Variants in IL34 observed in about 807,000 individuals in gnomAD.
The protein encoded by IL34 is interleukin 34, also known as interleukin-34.
IL34 carries 17 observed loss-of-function variants against 25.3 expected under a neutral mutation model. The observed-to-expected ratio is 0.67, with a 90% CI of 0.46 to 1.01. IL34 has a LOEUF of 1.01. Among genes scored for constraint, IL34 ranks in the 50% least tolerant of loss-of-function variants. The pLI, the probability that IL34 is intolerant of heterozygous loss-of-function variation, is 0.00. For synonymous variants in IL34, 174 were observed against 140.9 expected (o/e 1.23, Z -1.66); for missense variants, 368 against 312.9 (o/e 1.18, Z -1.33).
intron 1 of IL34, among the ~76,000 whole-genome samples, chr16:70,631,043 A>T (rs1198158299): frequency 6.6e-6 from 1 of 152,234 alleles, no homozygotes; most frequent in Non-Finnish European, 1.5e-5. Context: ...TGGTAGCCTA[A>T]ACTACATTTT....
intron 1 of IL34, among the ~76,000 whole-genome samples, chr16:70,596,422 C>G (rs989217973): frequency 6.6e-6 from 1 of 152,208 alleles, no homozygotes; most frequent in African/African-American, 2.4e-5. Context: ...TCATGACAGG[C>G]TGTGATATGG....
chr16:70,622,649 G>C (rs1421000225), intron 1 of IL34, among the ~76,000 whole-genome samples: 2 of 152,134 alleles, frequency 1.3e-5, no homozygotes, highest in African/African-American at 4.8e-5. Flanking sequence ...ATGGGGGTCA[G>C]GTGTGGTATC....
chr16:70,624,512 T>A (rs534223946), intron 1 of IL34, among the ~76,000 whole-genome samples: 39 of 152,320 alleles, frequency 2.6e-4, no homozygotes, highest in African/African-American at 8.9e-4. Context: ...AAGATGGCCT[T>A]TTGACCTTTT....
chr16:70,581,191 C>T (rs1017160487), intron 1 of IL34, among the ~76,000 whole-genome samples: 24 of 152,246 alleles, frequency 1.6e-4, no homozygotes, highest in African/African-American at 3.9e-4. Context: ...GGATTACAGG[C>T]GTGAGCCACC....
At chr16:70,608,903 G>T (rs1207186624) in intron 1 of IL34, among the ~76,000 whole-genome samples, 2 of 152,006 alleles carry the variant, frequency 1.3e-5, no homozygotes, top group Non-Finnish European at 2.9e-5. Context: ...TGTGGGGGCG[G>T]GTGTTGCCAC....
chr16:70,618,317 G>A (rs572793569), intron 1 of IL34, among the ~76,000 whole-genome samples: 67 of 152,148 alleles, frequency 4.4e-4, no homozygotes, highest in African/African-American at 1.5e-3. Context: ...GAGAGATACA[G>A]TCATGGGGGT....
intron 1 of IL34, among the ~76,000 whole-genome samples, chr16:70,617,805 G>C (rs1293620911): frequency 6.7e-6 from 1 of 148,862 alleles, no homozygotes; most frequent in Non-Finnish European, 1.5e-5. Flanking sequence ...ATAAAGGCTC[G>C]TCTGTTATCA....
At chr16:70,599,782 C>A (rs534402031) in intron 1 of IL34, among the ~76,000 whole-genome samples, 17 of 151,772 alleles carry the variant, frequency 1.1e-4, no homozygotes, top group Non-Finnish European at 2.2e-4. Flanking sequence ...CCAAGCAATC[C>A]TCCTACTTTA....
intron 1 of IL34, among the ~76,000 whole-genome samples, chr16:70,612,998 C>T (rs929742325): frequency 1.1e-4 from 17 of 152,140 alleles, no homozygotes; most frequent in African/African-American, 4.1e-4. Context: ...GTCTCGAACT[C>T]CTGACCTCAA....
At chr16:70,643,033 C>G (rs1431764485), upstream of IL34, among the ~76,000 whole-genome samples, 3 of 152,122 alleles carry the variant, frequency 2.0e-5, no homozygotes, top group South Asian at 6.2e-4. Context: ...TAAAAACCCA[C>G]AAAGTTGTAC....
At chr16:70,643,883 C>G (rs2051844507), upstream of IL34, among the ~76,000 whole-genome samples, 1 of 152,100 alleles carries the variant, frequency 6.6e-6, no homozygotes, top group African/African-American at 2.4e-5. Context: ...TCCCTACATG[C>G]TGGTGAAATG....
chr16:70,632,571 G>C (rs1167457996), intron 1 of IL34, among the ~76,000 whole-genome samples: 1 of 152,188 alleles, frequency 6.6e-6, no homozygotes, highest in African/African-American at 2.4e-5. Context: ...CCAAGGAAGG[G>C]AGTGCTCTTA....
intron 1 of IL34, among the ~76,000 whole-genome samples, chr16:70,596,174 G>T (rs8049277): frequency 0.35 from 53,403 of 151,860 alleles, 10,021 homozygotes; most frequent in South Asian, 0.61. Flanking sequence ...CTCAGAGGCA[G>T]GAGGGGTGAG....
Position 70,660,177 on chromosome 16 carries a change from T to C in IL34, c.719T>C (p.Leu240Pro). The part of the protein sequence containing the change: ...VRPVRAQGEG[L>P]LP ...CCGGTCAGGGCACAGGGCGAGGGCC[T>C]CTTGCCCTGAGCACCCTGGATGGTG... The change falls in exon 6 of 6, where the codon CTC becomes CCC. Residue 240 changes from leucine (L) to proline (P), a missense_variant. Leu to Pro is a moderately conservative substitution (Grantham distance 98). Coordinates refer to ENST00000288098, the MANE Select transcript of IL34 (RefSeq NM_001393494.1). 4 of 1,583,792 alleles carry C rather than the reference T, an allele frequency of 2.5e-6. No homozygotes were observed. The highest frequency in any genetic ancestry group is 3.4e-6 in the Non-Finnish European group (4 of 1,166,648).
At chr16:70,583,489 C>G (rs759377423) in intron 1 of IL34, among the ~76,000 whole-genome samples, 3 of 152,124 alleles carry the variant, frequency 2.0e-5, no homozygotes, top group Non-Finnish European at 4.4e-5. Context: ...TGTTGGTGGC[C>G]TGGTATGCCT....
intron 1 of IL34, among the ~76,000 whole-genome samples, chr16:70,606,654 C>G (rs545874053): frequency 7.2e-5 from 11 of 152,164 alleles, no homozygotes; most frequent in African/African-American, 2.4e-4. Flanking sequence ...GTGGCTCAGT[C>G]ATGGCTCACT....
intron 1 of IL34, among the ~76,000 whole-genome samples, chr16:70,634,525 CA>C (rs1198354120): frequency 1.3e-5 from 2 of 151,820 alleles, no homozygotes; most frequent in Non-Finnish European, 2.9e-5. Flanking sequence ...ACTAAAAATA[CA>C]AAAATTAGCT....
In IL34 at chr16:70,605,376, A is replaced by G. The variant is rs2050987680; in HGVS notation, c.-401+25327A>G. ...GGTAAATACATACATGAAACATGAAACTTACTAGCTTAGCCATTTTTAAGT... is the reference window on the plus strand; with the variant it reads ...GGTAAATACATACATGAAACATGAAGCTTACTAGCTTAGCCATTTTTAAGT... On this transcript the variant is annotated intron_variant, in intron 1 of 6. Coordinates refer to the IL34 transcript ENST00000429149. Among the ~76,000 whole-genome samples, 4 of 152,318 alleles carry G rather than the reference A, an allele frequency of 2.6e-5. No individual in the cohort carries two copies. In the South Asian group the frequency reaches 8.3e-4, roughly 32 times the overall value.
In IL34 at chr16:70,646,888, C is replaced by T; in HGVS notation, c.-60C>T. ...GAGGCCATGTAGGCCGTGCTTAGGC[C>T]TCTGTGGACACACTGCTGGGGACGG... On this transcript the variant is annotated 5_prime_UTR_variant, in exon 1 of 6. Transcript: ENST00000288098. The T allele has an allele frequency of 6.9e-7, 1 of 1,455,614 alleles. No homozygotes were observed. Among genetic ancestry groups the T allele is most frequent in the Non-Finnish European group, 9.1e-7 (1 of 1,104,458 alleles). The allele number at this position is 1,455,614 out of a possible 1,614,324, so 90.2% of individuals were successfully genotyped here.
Sources: allele counts gnomAD v4.1 joint callset (sites outside exome capture counted in the v4.1 genomes callset), GRCh38; gene constraint gnomAD v4.1.1; transcripts MANE v1.5; gene names NCBI Gene and HGNC (gene_info 2026-07-23, HGNC 2026-07-21).